Variants in HERC3 observed in about 807,000 individuals in gnomAD.
The protein encoded by HERC3 is HECT and RLD domain containing E3 ubiquitin protein ligase 3, also known as probable E3 ubiquitin-protein ligase HERC3.
In HERC3, 58 loss-of-function variants were observed where a neutral mutation model predicts 129.9. That is an observed-to-expected ratio of 0.45 (90% CI 0.36 to 0.56). The LOEUF is 0.56. Among genes scored for constraint, HERC3 ranks in the 20% least tolerant of loss-of-function variants. The pLI, the probability that HERC3 is intolerant of heterozygous loss-of-function variation, is 0.00. For missense variants in HERC3, 835 were observed against 1,244.2 expected, an observed-to-expected ratio of 0.67 and a Z score of 4.95; for synonymous variants, 430 against 451.0, an observed-to-expected ratio of 0.95 and a Z score of 0.59.
the HERC3 span, among the ~76,000 whole-genome samples, chr4:88,544,180 G>T: frequency 6.6e-6 from 1 of 152,082 alleles, no homozygotes; most frequent in South Asian, 2.1e-4. Flanking sequence ...ATCTGACAAA[G>T]GTCTAATATC....
At chr4:88,580,898 ACG>A in the HERC3 span, among the ~76,000 whole-genome samples, 1 of 152,222 alleles carries the variant, frequency 6.6e-6, no homozygotes, top group African/African-American at 2.4e-5. Flanking sequence ...CCGTCCCTAA[ACG>A]CAGAGAATCC....
chr4:88,671,040 T>A (rs755356800), intron 16 of HERC3, among the ~76,000 whole-genome samples: 10 of 151,974 alleles, frequency 6.6e-5, no homozygotes, highest in Non-Finnish European at 1.0e-4. Flanking sequence ...CCTGACCAAG[T>A]GCTGTCTCAC....
chr4:88,625,749 T>G (rs1015794579), intron 3 of HERC3, among the ~76,000 whole-genome samples: 1 of 152,228 alleles, frequency 6.6e-6, no homozygotes, highest in Non-Finnish European at 1.5e-5. Flanking sequence ...AGGAAAGCAT[T>G]CATCTTTCAC....
At chr4:88,697,631 C>CA in intron 23 of HERC3, 1 of 1,613,850 alleles carries the variant, frequency 6.2e-7, no homozygotes. Context: ...TCAGGGTCAC[C>CA]AGCCGCGCTG....
At chr4:88,611,331 G>T in intron 3 of HERC3, among the ~76,000 whole-genome samples, 1 of 152,168 alleles carries the variant, frequency 6.6e-6, no homozygotes, top group Non-Finnish European at 1.5e-5. Flanking sequence ...TTTGCTTATT[G>T]AGAACCATGA....
At position 88,693,772 on chromosome 4, in the gene HERC3, G is replaced by A. The variant is rs146593180; in HGVS notation, c.2657+6473G>A. On this transcript the variant is annotated intron_variant, in intron 23 of 25. Transcript: ENST00000402738. ...AAGCATCGGCATGCCAGTTTTCTGC[G>A]TAATACTCAGAGAGTTGGTTGAGTG... is the stretch of plus-strand genomic sequence containing the variant. The A allele has an allele frequency of 1.6e-3, 1,074 of 676,336 alleles. 7 individuals carry two copies. Among genetic ancestry groups the A allele is most frequent in the African/African-American group, 0.014 (709 of 51,074 alleles). 41.9% of individuals were successfully genotyped at this position (676,336 alleles called of 1,614,324 possible). A position where few individuals can be genotyped will look rare whatever the true frequency, so the allele number is the denominator to read the frequency against.
chr4:88,599,527 C>T (rs1356404319), intron 2 of HERC3, among the ~76,000 whole-genome samples: 1 of 152,108 alleles, frequency 6.6e-6, no homozygotes, highest in Admixed American at 6.5e-5. Flanking sequence ...GGCCATACTT[C>T]AGGCTGTTTA....
chr4:88,678,249 T>A, intron 19 of HERC3, 115 bp downstream of exon 19: 2 of 858,022 alleles, frequency 2.3e-6, no homozygotes, highest in Non-Finnish European at 3.6e-6. Flanking sequence ...TTTCATTCAT[T>A]TTGCAAGAAT....
intron 21 of HERC3, among the ~76,000 whole-genome samples, chr4:88,682,767 G>A (rs1732942251): frequency 6.6e-6 from 1 of 151,960 alleles, no homozygotes; most frequent in Non-Finnish European, 1.5e-5. Flanking sequence ...ATTGTGAATA[G>A]TGCCGCAATA....
intron 3 of HERC3, among the ~76,000 whole-genome samples, chr4:88,616,735 A>G (rs573279818): frequency 1.3e-5 from 2 of 152,302 alleles, no homozygotes; most frequent in African/African-American, 2.4e-5. Context: ...TGCAGTTTCA[A>G]GTAACAACAG....
At chr4:88,549,696 T>C in the HERC3 span, among the ~76,000 whole-genome samples, 1 of 150,452 alleles carries the variant, frequency 6.6e-6, no homozygotes, top group South Asian at 2.1e-4. Context: ...TACCACATTT[T>C]CTTTTTCTTT....
At chr4:88,536,958 T>C in the HERC3 span, among the ~76,000 whole-genome samples, 1 of 152,168 alleles carries the variant, frequency 6.6e-6, no homozygotes, top group Non-Finnish European at 1.5e-5. Flanking sequence ...AGAATTCTTA[T>C]ATACTTTCAC....
intron 18 of HERC3, among the ~76,000 whole-genome samples, chr4:88,676,865 G>A (rs188178637): frequency 8.8e-4 from 133 of 151,956 alleles, no homozygotes; most frequent in Middle Eastern, 3.4e-3. Context: ...AAACCATGCC[G>A]GGTGCAGTGG....
the HERC3 span, among the ~76,000 whole-genome samples, chr4:88,530,040 A>G: frequency 6.6e-6 from 1 of 152,204 alleles, no homozygotes; most frequent in African/African-American, 2.4e-5. Flanking sequence ...CCTGTAATCC[A>G]GCACTTTGGG....
intron 23 of HERC3, among the ~76,000 whole-genome samples, chr4:88,692,277 C>T (rs968247311): frequency 7.6e-6 from 1 of 131,796 alleles, no homozygotes; most frequent in African/African-American, 2.9e-5. Context: ...TAATTTGATG[C>T]AATCAAATTA....
At chr4:88,667,868 T>G in intron 13 of HERC3, 24 bp from the exon 14 acceptor site, 1 of 1,552,572 alleles carries the variant, frequency 6.4e-7, no homozygotes, top group Non-Finnish European at 8.8e-7. Flanking sequence ...TTTGAATTTC[T>G]CATTACTCTT....
chr4:88,608,134 C>T (rs1436863862), intron 3 of HERC3, among the ~76,000 whole-genome samples: 1 of 152,194 alleles, frequency 6.6e-6, no homozygotes, highest in East Asian at 1.9e-4. Context: ...TAGTAAGTGA[C>T]CATGTTCCGT....
At chr4:88,590,110 G>A (rs952968819), upstream of HERC3, among the ~76,000 whole-genome samples, 1 of 151,186 alleles carries the variant, frequency 6.6e-6, no homozygotes, top group African/African-American at 2.4e-5. Flanking sequence ...TCTACTAAAA[G>A]TACAAAAATG....
rs374602147 is a variant in HERC3 at position 88,704,533 on chromosome 4, C to G, written c.2867C>G (p.Ser956Trp). ...EETAIYKGDY[S>W]ATHPTVKLFW... is the part of the protein sequence containing the mutation. ...ACTGCCATCTACAAGGGAGATTACTCGGCCACACATCCCACTGTAAAACTA... is the reference window on the plus strand; with the variant it reads ...ACTGCCATCTACAAGGGAGATTACTGGGCCACACATCCCACTGTAAAACTA... Residue 956 changes from serine (S) to tryptophan (W), a missense_variant, in exon 25 of 26, where the codon TCG (serine) becomes TGG (tryptophan). Transcript: ENST00000402738. 2 of 1,610,744 alleles carry G rather than the reference C, an allele frequency of 1.2e-6. No homozygotes were observed. Among genetic ancestry groups the G allele is most frequent in the African/African-American group, 1.3e-5 (1 of 74,796 alleles).
Sources: allele counts gnomAD v4.1 joint callset (sites outside exome capture counted in the v4.1 genomes callset), GRCh38; gene constraint gnomAD v4.1.1; transcripts MANE v1.5; gene names NCBI Gene and HGNC (gene_info 2026-07-23, HGNC 2026-07-21).